The following SCFD2 variants were observed in gnomAD, a reference collection of about 807,000 sequenced individuals.
SCFD2 encodes the protein sec1 family domain-containing protein 2.
In SCFD2, 54 loss-of-function variants were observed where a neutral mutation model predicts 58.9. The ratio of observed to expected loss-of-function variants is 0.92; its 90% CI spans 0.74 to 1.15. The LOEUF (loss-of-function observed/expected upper bound fraction) is 1.15, where lower values mean the gene tolerates loss of function less well. Among genes scored for constraint, SCFD2 ranks in the 50% most tolerant of loss-of-function variants. The probability of loss-of-function intolerance (pLI) is 0.00; values close to 1 mark genes in which losing one functional copy is unlikely to be tolerated. For synonymous variants in SCFD2, 321 were observed against 335.9 expected (o/e 0.96, Z 0.49); for missense variants, 805 against 836.6 (o/e 0.96, Z 0.47).
chr4:53,058,468 A>T (rs983739653), intron 5 of SCFD2, among the ~76,000 whole-genome samples: 2 of 152,148 alleles, frequency 1.3e-5, no homozygotes, highest in Non-Finnish European at 2.9e-5. Context: ...GAATTTTAGG[A>T]CCAAAGTCCA....
rs183013813 is a variant in SCFD2, at chr4:52,920,718, T to C, written c.1707+7A>G. Reference sequence around the variant, plus strand: ...TTAGAAGGTTACTTTAAAACGTATATACTTGCCTGGTGGGTATGATTTCCA... The same window carrying C: ...TTAGAAGGTTACTTTAAAACGTATACACTTGCCTGGTGGGTATGATTTCCA... On this transcript the variant is annotated splice_region_variant and intron_variant, in intron 6 of 8. Transcript: ENST00000401642. The C allele has an allele frequency of 2.8e-5, 44 of 1,582,472 alleles. No homozygotes were observed. The Admixed American group carries it at 7.1e-4, about 25-fold the overall frequency.
rs1426238776 is a variant in SCFD2 at position 53,077,184 on chromosome 4, T to C, written c.1561+68149A>G. ...CAGTGTGGCAAGAAAAATAACAACATAAAAATAGAAGTTCTCCATTTGATC... is the reference window on the plus strand; with the variant it reads ...CAGTGTGGCAAGAAAAATAACAACACAAAAATAGAAGTTCTCCATTTGATC... On this transcript the variant is annotated intron_variant, in intron 5 of 8. Coordinates refer to ENST00000401642, the MANE Select transcript of SCFD2 (RefSeq NM_152540.4). Among the ~76,000 whole-genome samples, 3 of 152,128 alleles carry C rather than the reference T, an allele frequency of 2.0e-5. No homozygotes were observed. In the East Asian group the frequency reaches 5.8e-4, roughly 29 times the overall value.
chr4:53,259,645 G>A (rs373293195), intron 4 of SCFD2, among the ~76,000 whole-genome samples: 6 of 152,136 alleles, frequency 3.9e-5, no homozygotes, highest in East Asian at 1.9e-4. Flanking sequence ...GTTTGAATTC[G>A]GGTAATGTGA....
chr4:53,265,562 G>C (rs537475872), intron 4 of SCFD2: 6 of 152,068 alleles, frequency 3.9e-5, no homozygotes, highest in African/African-American at 1.4e-4. Flanking sequence ...CTGCCAAAGA[G>C]AGCACCTAAT....
At chr4:53,158,357 C>T (rs1466993969) in intron 4 of SCFD2, among the ~76,000 whole-genome samples, 3 of 152,216 alleles carry the variant, frequency 2.0e-5, no homozygotes, top group Non-Finnish European at 2.9e-5. Flanking sequence ...ACCTATTGGA[C>T]TTCTCCACTT....
chr4:53,247,797 C>T (rs1206311987), intron 4 of SCFD2, among the ~76,000 whole-genome samples: 1 of 126,676 alleles, frequency 7.9e-6, no homozygotes, highest in Admixed American at 9.4e-5. Context: ...GGAAGCGGAG[C>T]TTGCAGTGAG....
chr4:53,103,368 TG>T, intron 5 of SCFD2, among the ~76,000 whole-genome samples: 1 of 152,002 alleles, frequency 6.6e-6, no homozygotes, highest in South Asian at 2.1e-4. Flanking sequence ...ACTGTTGGTG[TG>T]GAAGTGTGCA....
chr4:53,282,225 T>C (rs1731528996), intron 3 of SCFD2, among the ~76,000 whole-genome samples: 1 of 152,156 alleles, frequency 6.6e-6, no homozygotes, highest in South Asian at 2.1e-4. Flanking sequence ...CTTCTGTCTT[T>C]TGGGAAAGTT....
intron 5 of SCFD2, among the ~76,000 whole-genome samples, chr4:52,984,796 C>A (rs1721451752): frequency 6.6e-6 from 1 of 152,164 alleles, no homozygotes; most frequent in Admixed American, 6.5e-5. Flanking sequence ...ATTTTGAGTC[C>A]TCTTTTCCTC....
At chr4:52,934,626 A>G (rs1266331697) in intron 5 of SCFD2, among the ~76,000 whole-genome samples, 1 of 152,218 alleles carries the variant, frequency 6.6e-6, no homozygotes, top group African/African-American at 2.4e-5. Flanking sequence ...AGCTTCACAT[A>G]GTCATAGTCA....
At chr4:53,184,945 A>G (rs1286705113) in intron 4 of SCFD2, among the ~76,000 whole-genome samples, 3 of 152,080 alleles carry the variant, frequency 2.0e-5, no homozygotes, top group Non-Finnish European at 2.9e-5. Flanking sequence ...AATTTGATGC[A>G]TCTCTTTGCT....
intron 5 of SCFD2, among the ~76,000 whole-genome samples, chr4:52,938,734 T>C (rs1436730193): frequency 6.6e-6 from 1 of 152,224 alleles, no homozygotes; most frequent in Non-Finnish European, 1.5e-5. Flanking sequence ...GATTTTACTC[T>C]TTTGTTCAAC....
chr4:53,085,600 A>G (rs1334905492), intron 5 of SCFD2, among the ~76,000 whole-genome samples: 1 of 152,306 alleles, frequency 6.6e-6, no homozygotes, highest in East Asian at 1.9e-4. Context: ...AAAAATAACA[A>G]AACTGGAGGA....
At chr4:53,149,442 T>C (rs1360295171) in intron 4 of SCFD2, among the ~76,000 whole-genome samples, 1 of 152,178 alleles carries the variant, frequency 6.6e-6, no homozygotes, top group Non-Finnish European at 1.5e-5. Context: ...AATAAATATA[T>C]GTCAGTCCAT....
chr4:52,969,645 C>A (rs2109549882), intron 5 of SCFD2, among the ~76,000 whole-genome samples: 1 of 152,288 alleles, frequency 6.6e-6, no homozygotes, highest in South Asian at 2.1e-4. Context: ...CCTTCCTCTG[C>A]CTCAGTGATT....
intron 4 of SCFD2, among the ~76,000 whole-genome samples, chr4:53,209,899 T>A (rs1728555274): frequency 6.6e-6 from 1 of 152,106 alleles, no homozygotes; most frequent in African/African-American, 2.4e-5. Context: ...TACACCAAAA[T>A]TTTGGTGAAT....
intron 5 of SCFD2, among the ~76,000 whole-genome samples, chr4:53,142,082 T>G (rs547279256): frequency 6.6e-6 from 1 of 152,308 alleles, no homozygotes; most frequent in East Asian, 1.9e-4. Context: ...AGTCCACAAG[T>G]CCACCCCTTG....
intron 6 of SCFD2, among the ~76,000 whole-genome samples, chr4:52,910,883 A>C (rs921767867): frequency 1.5e-4 from 23 of 152,140 alleles, no homozygotes; most frequent in African/African-American, 5.6e-4. Context: ...GCTGCTGTGA[A>C]GAAGAGCACG....
intron 3 of SCFD2, among the ~76,000 whole-genome samples, chr4:53,291,442 G>C (rs983653761): frequency 6.6e-6 from 1 of 152,016 alleles, no homozygotes; most frequent in Admixed American, 6.6e-5. Context: ...CCTCTTCAAG[G>C]AGAACTACAA....
Sources: allele counts gnomAD v4.1 joint callset (sites outside exome capture counted in the v4.1 genomes callset), GRCh38; gene constraint gnomAD v4.1.1; transcripts MANE v1.5; gene names NCBI Gene and HGNC (gene_info 2026-07-23, HGNC 2026-07-21).